NDST3: variants seen among roughly 807,000 people sequenced by gnomAD.
NDST3 encodes bifunctional heparan sulfate N-deacetylase/N-sulfotransferase 3.
Under a neutral mutation model 96.1 loss-of-function variants are expected in NDST3, and 58 were observed. The observed-to-expected ratio is 0.60, with a 90% CI of 0.49 to 0.75. The LOEUF (loss-of-function observed/expected upper bound fraction) is 0.75, where lower values mean the gene tolerates loss of function less well. Ranked by LOEUF, NDST3 falls within the 30% of genes least tolerant of loss-of-function variation. The pLI is 0.00. For synonymous variants in NDST3, 333 were observed against 359.7 expected, an observed-to-expected ratio of 0.93 and a Z score of 0.84; for missense variants, 788 against 1,034.2, an observed-to-expected ratio of 0.76 and a Z score of 3.27.
chr4:118,177,268 A>G (rs2125945184), intron 6 of NDST3, among the ~76,000 whole-genome samples: 1 of 152,162 alleles, frequency 6.6e-6, no homozygotes, highest in Non-Finnish European at 1.5e-5. Context: ...TAGGATAAAG[A>G]CAGCTTAGGA....
intron 8 of NDST3, among the ~76,000 whole-genome samples, chr4:118,228,746 C>A (rs79013296): frequency 6.6e-6 from 1 of 152,130 alleles, no homozygotes; most frequent in Admixed American, 6.5e-5. Flanking sequence ...GTCTATCCCC[C>A]CCGATCCCCA....
At chr4:118,181,187 A>G (rs1269118689) in intron 6 of NDST3, among the ~76,000 whole-genome samples, 2 of 152,164 alleles carry the variant, frequency 1.3e-5, no homozygotes, top group African/African-American at 2.4e-5. Flanking sequence ...CAGAGTCACC[A>G]GAAGTCTCCT....
chr4:118,113,056 C>A (rs1359115213), intron 3 of NDST3, among the ~76,000 whole-genome samples: 1 of 152,038 alleles, frequency 6.6e-6, no homozygotes, highest in Non-Finnish European at 1.5e-5. Context: ...GTAGGAAATA[C>A]AGGAGGAAAA....
chr4:118,199,484 T>C (rs1166863478), intron 6 of NDST3, among the ~76,000 whole-genome samples: 2 of 152,222 alleles, frequency 1.3e-5, no homozygotes, highest in Non-Finnish European at 2.9e-5. Flanking sequence ...TGAATTTCTT[T>C]GGGTTTCCTC....
intron 4 of NDST3, among the ~76,000 whole-genome samples, chr4:118,132,565 G>A (rs1334012971): frequency 6.6e-6 from 1 of 152,106 alleles, no homozygotes; most frequent in Non-Finnish European, 1.5e-5. Context: ...CCCCACTGTG[G>A]CCAAGCTGGT....
At chr4:118,068,419 G>A (rs1424238714) in intron 2 of NDST3, among the ~76,000 whole-genome samples, 1 of 152,044 alleles carries the variant, frequency 6.6e-6, no homozygotes, top group Non-Finnish European at 1.5e-5. Flanking sequence ...TAAAGAAATG[G>A]TTCAAGAATT....
chr4:118,098,466 C>G (rs1461888059), intron 2 of NDST3, among the ~76,000 whole-genome samples: 2 of 151,948 alleles, frequency 1.3e-5, no homozygotes, highest in African/African-American at 4.8e-5. Context: ...CAAGTGAATA[C>G]TTCGTGATGG....
chr4:118,231,014 A>G (rs1002629906), intron 8 of NDST3, among the ~76,000 whole-genome samples: 2 of 152,124 alleles, frequency 1.3e-5, no homozygotes, highest in African/African-American at 2.4e-5. Context: ...GTAAATAAAC[A>G]CTAAAATACT....
intron 6 of NDST3, among the ~76,000 whole-genome samples, chr4:118,184,816 G>C (rs1300479170): frequency 1.3e-5 from 2 of 152,052 alleles, no homozygotes; most frequent in African/African-American, 4.8e-5. Context: ...GCATGTTTGT[G>C]GTCTGCATTT....
In NDST3 at chr4:118,226,975, G is replaced by A. The variant is rs753690066; in HGVS notation, c.1812G>A (p.Gln604=). The A allele has an allele frequency of 3.7e-6, 6 of 1,606,182 alleles. No homozygotes were observed. The highest frequency in any genetic ancestry group is 1.3e-5 in the African/African-American group (1 of 74,724). Residue 604 remains glutamine, a synonymous_variant, in exon 8 of 14, where the codon CAG becomes CAA. Transcript: ENST00000296499. ...RLPKFLVIGP[Q]KTGTTALYLF... is the part of the protein sequence containing the mutation. The stretch of plus-strand genomic sequence containing the variant: ...CAAAATTCTTGGTAATAGGACCCCA[G>A]AAAACTGGTGAGAACTTTTTATGTT...
chr4:118,244,739 A>G (rs576883705), intron 12 of NDST3, among the ~76,000 whole-genome samples: 2 of 152,292 alleles, frequency 1.3e-5, no homozygotes, highest in South Asian at 4.1e-4. Flanking sequence ...AATCACAATA[A>G]GCCCCCAATG....
At chr4:118,126,864 G>A (rs530426826) in intron 4 of NDST3, among the ~76,000 whole-genome samples, 2 of 152,006 alleles carry the variant, frequency 1.3e-5, no homozygotes, top group South Asian at 4.2e-4. Context: ...GTTGTTGCCT[G>A]TCTTTTTGGA....
chr4:118,118,889 C>A (rs943967573), intron 4 of NDST3, among the ~76,000 whole-genome samples: 4 of 151,782 alleles, frequency 2.6e-5, no homozygotes, highest in African/African-American at 7.3e-5. Context: ...TCTATTTAAA[C>A]CTCAAAAAAG....
At chr4:118,231,699 A>T (rs1266546097) in intron 8 of NDST3, among the ~76,000 whole-genome samples, 4 of 152,136 alleles carry the variant, frequency 2.6e-5, no homozygotes, top group Non-Finnish European at 5.9e-5. Context: ...AGTGTAAATA[A>T]TAGTATATTT....
intron 6 of NDST3, among the ~76,000 whole-genome samples, chr4:118,169,055 A>G (rs1032948280): frequency 2.4e-4 from 37 of 152,298 alleles, no homozygotes; most frequent in Admixed American, 1.5e-3. Context: ...ACCTATAATT[A>G]ACAATACTGT....
chr4:118,209,097 G>A (rs1294285514), intron 6 of NDST3, among the ~76,000 whole-genome samples: 1 of 152,142 alleles, frequency 6.6e-6, no homozygotes, highest in South Asian at 2.1e-4. Context: ...AACACATTTA[G>A]AGATGTTTAA....
intron 6 of NDST3, among the ~76,000 whole-genome samples, chr4:118,175,397 C>T (rs1736212713): frequency 6.6e-6 from 1 of 151,800 alleles, no homozygotes; most frequent in African/African-American, 2.4e-5. Flanking sequence ...CCATTATTTT[C>T]TCTAAAATCA....
chr4:118,145,583 T>C (rs1172988084), intron 6 of NDST3, among the ~76,000 whole-genome samples: 1 of 152,212 alleles, frequency 6.6e-6, no homozygotes, highest in East Asian at 1.9e-4. Context: ...TTAAAAACCT[T>C]ACAGTAAAGT....
At chr4:118,065,732 C>T (rs1726260234) in intron 2 of NDST3, among the ~76,000 whole-genome samples, 1 of 151,556 alleles carries the variant, frequency 6.6e-6, no homozygotes, top group Non-Finnish European at 1.5e-5. Context: ...TTGGCCTTTC[C>T]CCCTTTGGAA....
Sources: allele counts gnomAD v4.1 joint callset (sites outside exome capture counted in the v4.1 genomes callset), GRCh38; gene constraint gnomAD v4.1.1; transcripts MANE v1.5; gene names NCBI Gene and HGNC (gene_info 2026-07-23, HGNC 2026-07-21).